Variants in ROBO2 observed in about 807,000 individuals in gnomAD.
ROBO2 encodes roundabout guidance receptor 2, also known as roundabout homolog 2.
Under a neutral mutation model 160.8 loss-of-function variants are expected in ROBO2, and 53 were observed. The observed-to-expected ratio is 0.33, with a 90% confidence interval of 0.26 to 0.41. The LOEUF is 0.41. ROBO2 is among the 10% of genes least tolerant of loss of function. The pLI, the probability that ROBO2 is intolerant of heterozygous loss-of-function variation, is 1.00. For synonymous variants in ROBO2, 664 were observed against 611.7 expected (o/e 1.09, Z -1.26); for missense variants, 1,577 against 1,722.4 (o/e 0.92, Z 1.49).
At chr3:76,455,099 T>C (rs1359239501) in intron 2 of ROBO2, among the ~76,000 whole-genome samples, 1 of 152,138 alleles carries the variant, frequency 6.6e-6, no homozygotes, top group African/African-American at 2.4e-5. Flanking sequence ...AAGTATACAG[T>C]GTTTCACAAA....
At chr3:77,125,736 T>C (rs1279626052) in intron 2 of ROBO2, among the ~76,000 whole-genome samples, 1 of 152,174 alleles carries the variant, frequency 6.6e-6, no homozygotes. Flanking sequence ...TATTTACCAG[T>C]TATTTAGTAT....
At chr3:77,404,952 A>C (rs1166408743) in intron 2 of ROBO2, among the ~76,000 whole-genome samples, 1 of 152,220 alleles carries the variant, frequency 6.6e-6, no homozygotes, top group East Asian at 1.9e-4. Flanking sequence ...ACTCTCCCCA[A>C]CTGATGTTGT....
At chr3:76,531,450 A>C in intron 2 of ROBO2, among the ~76,000 whole-genome samples, 1 of 152,056 alleles carries the variant, frequency 6.6e-6, no homozygotes, top group East Asian at 1.9e-4. Context: ...TAGAAGATAT[A>C]AATATTTAAA....
chr3:76,624,055 T>C (rs1436330534), intron 2 of ROBO2, among the ~76,000 whole-genome samples: 1 of 151,996 alleles, frequency 6.6e-6, no homozygotes, highest in Non-Finnish European at 1.5e-5. Flanking sequence ...CTCTCTTTCC[T>C]TTCTCCATTA....
intron 2 of ROBO2, among the ~76,000 whole-genome samples, chr3:76,978,313 T>C (rs1012220104): frequency 6.6e-6 from 1 of 152,208 alleles, no homozygotes; most frequent in Non-Finnish European, 1.5e-5. Flanking sequence ...ATCGATCTTA[T>C]AGCCTCACAA....
At chr3:76,397,219 G>A (rs1293512381) in intron 2 of ROBO2, among the ~76,000 whole-genome samples, 1 of 152,090 alleles carries the variant, frequency 6.6e-6, no homozygotes. Flanking sequence ...AACAAGCAAT[G>A]GGGAAAGGAT....
At chr3:75,974,889 T>TA (rs1313059825) in intron 2 of ROBO2, among the ~76,000 whole-genome samples, 2 of 151,538 alleles carry the variant, frequency 1.3e-5, no homozygotes, top group Middle Eastern at 3.2e-3. Context: ...ATGTAGAACA[T>TA]ACAGAGATGT....
intron 2 of ROBO2, among the ~76,000 whole-genome samples, chr3:77,292,042 G>A (rs1329407322): frequency 1.1e-4 from 16 of 150,338 alleles, no homozygotes; most frequent in Non-Finnish European, 2.1e-4. Context: ...TAAAATTGAC[G>A]GCTTAACGGG....
chr3:76,433,186 T>C (rs1461745196), intron 2 of ROBO2, among the ~76,000 whole-genome samples: 2 of 152,192 alleles, frequency 1.3e-5, no homozygotes, highest in Admixed American at 1.3e-4. Flanking sequence ...CTTTGTAGGA[T>C]AAGATTTTCT....
Position 76,179,642 on chromosome 3 carries a change from A to G in ROBO2, c.109+242040A>G, listed in dbSNP as rs1326243312. 3.9e-5 allele frequency among the ~76,000 whole-genome samples: 6 copies of G among 151,952 alleles called. No homozygotes were observed. The South Asian group carries it at 8.3e-4, about 21-fold the overall frequency. Reference sequence around the variant, plus strand: ...CCCGTATTGACTTTCCCTTCTTCCAATTCATCTGCCTGGGTATAATCAAGG... The same window carrying G: ...CCCGTATTGACTTTCCCTTCTTCCAGTTCATCTGCCTGGGTATAATCAAGG... On this transcript the variant is annotated intron_variant, in intron 2 of 26. Coordinates refer to the ROBO2 transcript ENST00000487694.
intron 1 of ROBO2, among the ~76,000 whole-genome samples, chr3:75,918,797 G>A (rs1946913592): frequency 6.6e-6 from 1 of 152,106 alleles, no homozygotes; most frequent in African/African-American, 2.4e-5. Flanking sequence ...TATAGCAGTT[G>A]TGAATGGGAG....
At chr3:76,988,152 T>A (rs1480244177) in intron 2 of ROBO2, among the ~76,000 whole-genome samples, 1 of 152,178 alleles carries the variant, frequency 6.6e-6, no homozygotes, top group African/African-American at 2.4e-5. Context: ...AGTAGATTTT[T>A]AAAATAATCA....
chr3:77,360,819 T>C (rs900481304), intron 2 of ROBO2, among the ~76,000 whole-genome samples: 1 of 152,122 alleles, frequency 6.6e-6, no homozygotes, highest in Non-Finnish European at 1.5e-5. Flanking sequence ...CACTTTCATC[T>C]GACCACATTC....
intron 2 of ROBO2, among the ~76,000 whole-genome samples, chr3:76,468,435 A>C (rs1293418724): frequency 3.9e-5 from 6 of 152,082 alleles, no homozygotes; most frequent in Non-Finnish European, 1.5e-5. Flanking sequence ...GTGCAAAAGC[A>C]ATGAAAGGAT....
At chr3:76,102,041 GTGT>G in intron 2 of ROBO2, among the ~76,000 whole-genome samples, 1 of 148,252 alleles carries the variant, frequency 6.7e-6, no homozygotes, top group African/African-American at 2.5e-5. Context: ...TCCCCTTCCT[GTGT>G]CCATGTGTTC....
At chr3:77,622,994 A>AT (rs1476487142) in intron 23 of ROBO2, among the ~76,000 whole-genome samples, 4 of 152,018 alleles carry the variant, frequency 2.6e-5, no homozygotes, top group Non-Finnish European at 4.4e-5. Flanking sequence ...AAATGCAGTT[A>AT]TTTTTTCTGT....
intron 2 of ROBO2, among the ~76,000 whole-genome samples, chr3:76,387,408 T>C (rs2076943892): frequency 6.6e-6 from 1 of 152,056 alleles, no homozygotes; most frequent in African/African-American, 2.4e-5. Context: ...CTATTTATAT[T>C]AAAAATCATT....
At chr3:76,055,502 C>G (rs146184484) in intron 2 of ROBO2, among the ~76,000 whole-genome samples, 133 of 152,178 alleles carry the variant, frequency 8.7e-4, no homozygotes, top group African/African-American at 2.9e-3. Context: ...CTGTCGCCCT[C>G]CCCCCTTTTG....
intron 1 of ROBO2, among the ~76,000 whole-genome samples, chr3:75,914,866 T>G (rs1323075145): frequency 1.3e-5 from 2 of 151,996 alleles, no homozygotes; most frequent in Non-Finnish European, 2.9e-5. Flanking sequence ...TTCCACCGAG[T>G]TTTCAGCAAC....
Sources: gnomAD v4.1 joint callset for allele counts (sites outside exome capture counted in the v4.1 genomes callset) on GRCh38, gnomAD v4.1.1 for gene constraint, MANE v1.5 for transcripts, NCBI Gene and HGNC (gene_info 2026-07-23, HGNC 2026-07-21) for gene names.